The following GALNT9 variants were observed in gnomAD, a reference collection of about 807,000 sequenced individuals.
The protein encoded by GALNT9 is polypeptide N-acetylgalactosaminyltransferase 9.
GALNT9 carries 47 observed loss-of-function variants against 63.1 expected under a neutral mutation model. The ratio of observed to expected loss-of-function variants is 0.75; its 90% CI spans 0.59 to 0.95. The LOEUF (loss-of-function observed/expected upper bound fraction) is 0.95. GALNT9 is among the 40% of genes least tolerant of loss of function. GALNT9 has a pLI of 0.00. For missense variants in GALNT9, 829 were observed against 874.8 expected, an observed-to-expected ratio of 0.95 and a Z score of 0.66; for synonymous variants, 396 against 365.7, an observed-to-expected ratio of 1.08 and a Z score of -0.94.
At chr12:132,280,852 G>C (rs539487412) in intron 2 of GALNT9, 21 of 152,236 alleles carry the variant, frequency 1.4e-4, no homozygotes, top group Non-Finnish European at 2.9e-5. Context: ...CCACGTCCCC[G>C]CTCTGCCACC....
intron 6 of GALNT9, among the ~76,000 whole-genome samples, chr12:132,225,526 A>C (rs1877636336): frequency 6.9e-6 from 1 of 145,030 alleles, no homozygotes; most frequent in African/African-American, 2.6e-5. Context: ...CTGTATATAC[A>C]CATGCCACAC....
In GALNT9 at chr12:132,203,444, G is replaced by A; in HGVS notation, c.1263+61C>T. ...GGGGGCCTCCCTCCGGCCCAGCCCT[G>A]CCGTGGCATTGACCCCGACCCTGGG... On this transcript the variant is annotated intron_variant, in intron 7 of 10. Coordinates refer to ENST00000328957, the MANE Select transcript of GALNT9 (RefSeq NM_001122636.2). The A allele has an allele frequency of 3.2e-6, 5 of 1,550,258 alleles. No individual in the cohort carries two copies. In the South Asian group the frequency reaches 4.6e-5, roughly 14 times the overall value.
intron 1 of GALNT9, among the ~76,000 whole-genome samples, chr12:132,309,904 C>T (rs1234582081): frequency 3.3e-5 from 5 of 152,228 alleles, no homozygotes; most frequent in African/African-American, 7.2e-5. Flanking sequence ...AGCAGCAGAA[C>T]GACAGTTTGC....
rs1878098801 is a variant in GALNT9 at position 132,238,805 on chromosome 12, A to T, written c.1077+9105T>A. Reference sequence around the variant, plus strand: ...CCAGGGACGTGCTACCATTTACCTAACACACGTCTTTAAATCCACCCAAAG... The same window carrying T: ...CCAGGGACGTGCTACCATTTACCTATCACACGTCTTTAAATCCACCCAAAG... On this transcript the variant is annotated intron_variant, in intron 6 of 10. Transcript: ENST00000328957. This position sits in a 1 kb window ranked among gnomAD's most constrained non-coding sequence, Gnocchi z 6.5. Among the ~76,000 whole-genome samples, 1 of 152,178 alleles carries T rather than the reference A, an allele frequency of 6.6e-6. No individual in the cohort carries two copies. The highest frequency in any genetic ancestry group is 1.5e-5 in the Non-Finnish European group (1 of 68,030).
intron 2 of GALNT9, 134 bp from the exon 3 acceptor site, chr12:132,262,759 C>G: frequency 7.2e-7 from 1 of 1,393,958 alleles, no homozygotes; most frequent in East Asian, 2.8e-5. Context: ...ACCCCAGGAG[C>G]CATAGCTCAT....
chr12:132,255,864 C>T (rs563204890), intron 5 of GALNT9, among the ~76,000 whole-genome samples: 2 of 152,250 alleles, frequency 1.3e-5, no homozygotes, highest in East Asian at 1.9e-4. Flanking sequence ...GCGATCTTCA[C>T]GCTGGGTGTC....
chr12:132,301,130 A>C (rs1881280102), intron 1 of GALNT9, among the ~76,000 whole-genome samples: 2 of 152,276 alleles, frequency 1.3e-5, no homozygotes, highest in South Asian at 2.1e-4. Flanking sequence ...GCCCATGGCC[A>C]GGAGGCAGTG....
intron 6 of GALNT9, among the ~76,000 whole-genome samples, chr12:132,241,556 A>AT (rs2136901704): frequency 1.0e-5 from 1 of 97,528 alleles, no homozygotes; most frequent in African/African-American, 4.6e-5. Flanking sequence ...CCCTATACCC[A>AT]TTACACACAC....
intron 1 of GALNT9, among the ~76,000 whole-genome samples, chr12:132,318,292 C>T (rs532550629): frequency 3.3e-5 from 5 of 152,390 alleles, no homozygotes; most frequent in South Asian, 2.1e-4. Context: ...TGACCAAGAA[C>T]GCTGGATGAT....
In GALNT9 at chr12:132,310,286, C is replaced by T. The variant is rs559671831; in HGVS notation, c.238+18680G>A. On this transcript the variant is annotated intron_variant, in intron 1 of 10. Transcript: ENST00000328957. This position sits in a 1 kb window ranked among gnomAD's most constrained non-coding sequence, Gnocchi z 4.8. ...CGCGGTTCGGCATTTCAGTTGGGGT[C>T]GGTAACACGCAGAAGTAAAGGAACT... is the stretch of plus-strand genomic sequence containing the variant. 2.2e-4 allele frequency among the ~76,000 whole-genome samples: 34 copies of T among 152,192 alleles called. No homozygotes were observed. The highest frequency in any genetic ancestry group is 7.2e-4 in the Admixed American group (11 of 15,278).
chr12:132,198,110 G>A, intron 9 of GALNT9, 151 bp from the exon 10 acceptor site: 1 of 660,064 alleles, frequency 1.5e-6, no homozygotes, highest in South Asian at 2.0e-5. Context: ...TTGCGGGCGG[G>A]AGAGGACCGC....
intron 1 of GALNT9, among the ~76,000 whole-genome samples, chr12:132,293,525 T>C (rs781852398): frequency 4.6e-5 from 7 of 152,246 alleles, no homozygotes; most frequent in Admixed American, 2.0e-4. Context: ...CTCAGACACT[T>C]GTGCCCTGGG....
chr12:132,229,828 T>C (rs1877826621), intron 6 of GALNT9, among the ~76,000 whole-genome samples: 1 of 152,188 alleles, frequency 6.6e-6, no homozygotes. Context: ...AAGGAATCCT[T>C]TCTCCGATGA....
chr12:132,209,372 A>T (rs1423314183), intron 6 of GALNT9, among the ~76,000 whole-genome samples: 1 of 141,918 alleles, frequency 7.0e-6, no homozygotes, highest in East Asian at 1.9e-4. Flanking sequence ...TAAAAAAAAT[A>T]AATAAATAAA....
chr12:132,253,253 C>T (rs1191127018), intron 5 of GALNT9, among the ~76,000 whole-genome samples: 8 of 151,990 alleles, frequency 5.3e-5, no homozygotes, highest in African/African-American at 1.2e-4. Context: ...TTTAGGCCTC[C>T]GGATGACTGC....
At chr12:132,259,087 GATTA>G (rs2135542762) in intron 4 of GALNT9, among the ~76,000 whole-genome samples, 1 of 152,358 alleles carries the variant, frequency 6.6e-6, no homozygotes, top group South Asian at 2.1e-4. Context: ...TTGTGAGGAG[GATTA>G]ATTAATTACT....
intron 6 of GALNT9, among the ~76,000 whole-genome samples, chr12:132,204,867 C>T (rs771996478): frequency 3.9e-5 from 6 of 152,248 alleles, no homozygotes; most frequent in Middle Eastern, 3.4e-3. Context: ...CTCAGGTCCT[C>T]AGCCCTGAGC....
intron 2 of GALNT9, among the ~76,000 whole-genome samples, chr12:132,266,372 T>G (rs1879597761): frequency 6.6e-6 from 1 of 152,256 alleles, no homozygotes; most frequent in African/African-American, 2.4e-5. Context: ...CAAATTCTTT[T>G]GTGCTGCAAA....
At chr12:132,284,306 GCGCACGCA>G (rs1208795473) in intron 2 of GALNT9, 1 of 150,302 alleles carries the variant, frequency 6.7e-6, no homozygotes, top group Admixed American at 6.6e-5. Flanking sequence ...CACAACGCGC[GCGCACGCA>G]CACACACACA....
Sources: allele counts gnomAD v4.1 joint callset (sites outside exome capture counted in the v4.1 genomes callset), GRCh38; gene constraint gnomAD v4.1.1; non-coding constraint Gnocchi (gnomAD v3.1); transcripts MANE v1.5; gene names NCBI Gene and HGNC (gene_info 2026-07-23, HGNC 2026-07-21).